The following HMCN2 variants were observed in gnomAD, a reference collection of about 807,000 sequenced individuals.
HMCN2 encodes hemicentin-2.
In HMCN2, 325 loss-of-function variants were observed where a neutral mutation model predicts 377.5. That is an observed-to-expected ratio of 0.86 (90% CI 0.79 to 0.94). The LOEUF (loss-of-function observed/expected upper bound fraction) is 0.94. Ranked by LOEUF, HMCN2 falls within the 40% of genes least tolerant of loss-of-function variation. The pLI, the probability that HMCN2 is intolerant of heterozygous loss-of-function variation, is 0.00. For missense variants in HMCN2, 4,543 were observed against 4,725.3 expected (o/e 0.96, Z 1.13); for synonymous variants, 2,007 against 2,046.8 (o/e 0.98, Z 0.53).
chr9:130,396,463 A>T, intron 73 of HMCN2, 150 bp downstream of exon 73: 1 of 562,990 alleles, frequency 1.8e-6, no homozygotes, highest in Non-Finnish European at 2.7e-6. Context: ...CCCACCACTC[A>T]TGAAGGTCTC....
At chr9:130,411,332 T>G (rs1432958703) in intron 85 of HMCN2, among the ~76,000 whole-genome samples, 1 of 152,040 alleles carries the variant, frequency 6.6e-6, no homozygotes. Context: ...CTGGGCTCGG[T>G]GACTCACAGC....
intron 86 of HMCN2, among the ~76,000 whole-genome samples, chr9:130,420,355 T>A (rs1256571204): frequency 6.6e-6 from 1 of 151,990 alleles, no homozygotes; most frequent in Non-Finnish European, 1.5e-5. Flanking sequence ...ATTACAGGCG[T>A]GAGCCACCGC....
At chr9:130,269,268 T>C (rs1356922755) in intron 1 of HMCN2, among the ~76,000 whole-genome samples, 10 of 14,398 alleles carry the variant, frequency 6.9e-4, no homozygotes, top group African/African-American at 4.6e-3. Context: ...CCTGGTTCCT[T>C]TTTTTTTTTT....
chr9:130,363,831 A>AAT (rs1554956197), intron 40 of HMCN2, among the ~76,000 whole-genome samples: 1 of 150,780 alleles, frequency 6.6e-6, no homozygotes, highest in African/African-American at 2.4e-5. Flanking sequence ...AAAAAAAAAA[A>AAT]AAAGAAAGAA....
In HMCN2 at chr9:130,307,548, C is replaced by T. The variant is rs782426971; in HGVS notation, c.2182C>T (p.Arg728Ter). ...TGAGGCATCTGGGGTTCCCCCGCCCCGAGTCATCTGGTATCGAGGTGTGTT... is the reference window on the plus strand; with the variant it reads ...TGAGGCATCTGGGGTTCCCCCGCCCTGAGTCATCTGGTATCGAGGTGTGTT... ...VCEASGVPPPRVIWYRGGLEM... is the reference protein window; with the variant it reads ...VCEASGVPPP Residue 728 changes from arginine to a stop codon, truncating the protein, a stop_gained, in exon 14 of 98, where the codon CGA becomes TGA. Coordinates refer to ENST00000683500, the MANE Select transcript of HMCN2 (RefSeq NM_001291815.2). LOFTEE classifies it high-confidence loss of function. The T allele has an allele frequency of 2.3e-5, 11 of 470,980 alleles. No individual in the cohort carries two copies. In the East Asian group the frequency reaches 3.5e-4, roughly 15 times the overall value. 29.2% of individuals were successfully genotyped at this position (470,980 alleles called of 1,614,324 possible). A position where few individuals can be genotyped will look rare whatever the true frequency, so the allele number is the denominator to read the frequency against.
At chr9:130,390,271 T>G (rs1384094439) in intron 62 of HMCN2, among the ~76,000 whole-genome samples, 2 of 146,088 alleles carry the variant, frequency 1.4e-5, no homozygotes. Flanking sequence ...GTCCCCCAAG[T>G]TCCCCGGCTC....
chr9:130,304,915 A>G lies in HMCN2; in HGVS notation c.1729A>G (p.Ile577Val), dbSNP rs1554936100. 1 of 471,134 alleles carries G rather than the reference A, an allele frequency of 2.1e-6. No individual in the cohort carries two copies. Among genetic ancestry groups the G allele is most frequent in the Non-Finnish European group, 4.4e-6 (1 of 227,048 alleles). The allele number at this position is 471,134 out of a possible 1,614,324, so 29.2% of individuals were successfully genotyped here. Residue 577 changes from isoleucine to valine, a missense_variant, in exon 11 of 98, where the codon ATC becomes GTC. Ile to Val is a conservative substitution (Grantham distance 29). This residue lies in a region of HMCN2 where 547 missense variants were observed against 189.9 expected (regional missense o/e 2.88). Transcript: ENST00000683500. The surrounding 1 kb of genome is among the most constrained non-coding windows in gnomAD (Gnocchi z 4.3). ...LADLSLEISG[I>V]IPTDGGRYQC... ...TGACCTGTCCCTGGAGATCAGTGGC[A>G]TCATCCCCACAGACGGCGGGAGGTA...
chr9:130,405,427 G>A (rs1696520134), intron 81 of HMCN2, among the ~76,000 whole-genome samples: 1 of 152,198 alleles, frequency 6.6e-6, no homozygotes, highest in African/African-American at 2.4e-5. Flanking sequence ...GGGTATGGGT[G>A]GGACCCCCAA....
chr9:130,325,114 A>G (rs1225788665), intron 19 of HMCN2, among the ~76,000 whole-genome samples: 3 of 40,960 alleles, frequency 7.3e-5, no homozygotes, highest in Non-Finnish European at 1.9e-4. Context: ...TTTTTTTTGT[A>G]GACAAGAGTC....
At chr9:130,312,429 T>C (rs1837291644) in intron 15 of HMCN2, among the ~76,000 whole-genome samples, 1 of 151,654 alleles carries the variant, frequency 6.6e-6, no homozygotes, top group Non-Finnish European at 1.5e-5. Flanking sequence ...CATCCTTTGC[T>C]CAGCATCTGA....
At chr9:130,366,466 A>ATTTTT (rs1564821371) in intron 43 of HMCN2, among the ~76,000 whole-genome samples, 1 of 84,822 alleles carries the variant, frequency 1.2e-5, no homozygotes, top group African/African-American at 3.7e-5. Context: ...TCACTTCACC[A>ATTTTT]ATTTTTTTTT....
rs1840352715 is a variant in HMCN2 at position 130,360,882 on chromosome 9, C to T, written c.5950+278C>T. The stretch of plus-strand genomic sequence containing the variant: ...CCATCCATCAACTCATCTATCCATC[C>T]ATCCATCCATCCATCTCTCATCCAT... On this transcript the variant is annotated intron_variant, in intron 38 of 97. Coordinates refer to ENST00000683500, the MANE Select transcript of HMCN2 (RefSeq NM_001291815.2). This position sits in a 1 kb window ranked among gnomAD's most constrained non-coding sequence, Gnocchi z 4.7. Among the ~76,000 whole-genome samples the T allele has an allele frequency of 6.6e-6, 1 of 151,704 alleles. No individual in the cohort carries two copies. Among genetic ancestry groups the T allele is most frequent in the South Asian group, 2.1e-4 (1 of 4,796 alleles).
chr9:130,374,864 G>A lies in HMCN2; in HGVS notation c.7630+171G>A, dbSNP rs183240741. On this transcript the variant is annotated intron_variant, in intron 49 of 97. Coordinates refer to ENST00000683500, the MANE Select transcript of HMCN2 (RefSeq NM_001291815.2). The stretch of plus-strand genomic sequence containing the variant: ...CTCTATTGACGGAACATTTATTATG[G>A]GCCAGGCATTTCAACAGGCCTGACT... Among the ~76,000 whole-genome samples the A allele has an allele frequency of 5.3e-5, 8 of 152,284 alleles. No individual in the cohort carries two copies. The East Asian group carries it at 1.5e-3, about 29-fold the overall frequency.
At chr9:130,311,795 C>T (rs1837254451) in intron 15 of HMCN2, among the ~76,000 whole-genome samples, 1 of 152,102 alleles carries the variant, frequency 6.6e-6, no homozygotes, top group African/African-American at 2.4e-5. Context: ...CACCTGGTAC[C>T]AGTCACTCCC....
At chr9:130,285,605 T>C (rs1835376590) in intron 3 of HMCN2, among the ~76,000 whole-genome samples, 1 of 152,218 alleles carries the variant, frequency 6.6e-6, no homozygotes, top group South Asian at 2.1e-4. Context: ...CCCATCAAAG[T>C]CCAGGCAACC....
intron 1 of HMCN2, among the ~76,000 whole-genome samples, chr9:130,269,807 GTTGT>G (rs1834319595): frequency 3.5e-5 from 5 of 144,500 alleles, no homozygotes; most frequent in Non-Finnish European, 6.2e-5. Flanking sequence ...TTTTTTTGTT[GTTGT>G]TTGTTTGTTT....
Position 130,395,979 on chromosome 9 carries a change from T to G in HMCN2, c.10967T>G (p.Leu3656Arg), listed in dbSNP as rs75320609. The G allele has an allele frequency of 2.3e-6, 3 of 1,287,590 alleles. No individual in the cohort carries two copies. Among genetic ancestry groups the G allele is most frequent in the Non-Finnish European group, 3.0e-6 (3 of 988,746 alleles). 79.8% of individuals were successfully genotyped at this position (1,287,590 alleles called of 1,614,324 possible). Residue 3656 changes from leucine (L) to arginine (R), a missense_variant, in exon 72 of 98, where the codon CTG becomes CGG. Physicochemically the swap from Leu to Arg is moderately radical, Grantham distance 102. Coordinates refer to ENST00000683500, the MANE Select transcript of HMCN2 (RefSeq NM_001291815.2). ...ERGRFLQLQA[L>R]STADSGDYSC... ...GGCAGGTTCCTCCAGCTGCAGGCCC[T>G]GAGCACGGCTGACAGCGGCGACTAC...
chr9:130,314,986 C>A (rs1805750807), intron 15 of HMCN2, among the ~76,000 whole-genome samples: 1 of 151,900 alleles, frequency 6.6e-6, no homozygotes, highest in African/African-American at 2.4e-5. Flanking sequence ...GAGTCACCAC[C>A]TCTGTCATCT....
chr9:130,350,079 T>TA (rs1205765658), intron 29 of HMCN2, among the ~76,000 whole-genome samples: 1 of 151,304 alleles, frequency 6.6e-6, no homozygotes, highest in African/African-American at 2.4e-5. Flanking sequence ...GCTAATTTTT[T>TA]AAAAAATGTT....
Sources: gnomAD v4.1 joint callset for allele counts (sites outside exome capture counted in the v4.1 genomes callset) on GRCh38, gnomAD v4.1.1 for gene constraint, gnomAD v4.1.1 regional missense constraint, Gnocchi (gnomAD v3.1) non-coding constraint, MANE v1.5 for transcripts, NCBI Gene and HGNC (gene_info 2026-07-23, HGNC 2026-07-21) for gene names.